The following TEKT5 variants were observed in gnomAD, a reference collection of about 807,000 sequenced individuals.
The protein encoded by TEKT5 is tektin-5.
Under a neutral mutation model 48.7 loss-of-function variants are expected in TEKT5, and 52 were observed. The ratio of observed to expected loss-of-function variants is 1.07; its 90% CI spans 0.86 to 1.35. TEKT5 has a LOEUF of 1.35. Among genes scored for constraint, TEKT5 ranks in the 40% most tolerant of loss-of-function variants. The probability of loss-of-function intolerance (pLI) is 0.00; values close to 1 mark genes in which losing one functional copy is unlikely to be tolerated. For missense variants in TEKT5, 831 were observed against 641.6 expected (o/e 1.30, Z -3.19); for synonymous variants, 318 against 267.6 (o/e 1.19, Z -1.84).
chr16:10,676,049 C>G lies in TEKT5; in HGVS notation c.996G>C (p.Trp332Cys), dbSNP rs1325294822. 3.1e-6 allele frequency: 5 copies of G among 1,614,222 alleles called. No homozygotes were observed. Among genetic ancestry groups the G allele is most frequent in the Non-Finnish European group, 3.4e-6 (4 of 1,180,044 alleles). Residue 332 changes from tryptophan (W) to cysteine (C), a missense_variant, in exon 5 of 7, where the codon TGG becomes TGC. Coordinates refer to ENST00000283025, the MANE Select transcript of TEKT5 (RefSeq NM_144674.2). ...CCAGGTTGGTGTCTGTGAACTGCCT[C>G]CACATCTGATCCGACAAGGTCTCAA... The part of the protein sequence containing the change: ...HLFETLSDQM[W>C]RQFTDTNLAF...
At chr16:10,631,984 T>C (rs370526215) in intron 6 of TEKT5, among the ~76,000 whole-genome samples, 2 of 152,226 alleles carry the variant, frequency 1.3e-5, no homozygotes, top group Middle Eastern at 6.8e-3. Flanking sequence ...GGTGGCTTGG[T>C]TGTGGGACTG....
rs192774980 is a variant in TEKT5, at chr16:10,694,083, T to A, written c.564+227A>T. ...ATATTTTCATGAAACCCCTGCAACT[T>A]TGATGTAGCTTCAAGGAGAAAAGGA... On this transcript the variant is annotated intron_variant, in intron 1 of 6. Coordinates refer to ENST00000283025, the MANE Select transcript of TEKT5 (RefSeq NM_144674.2). 2.2e-3 allele frequency among the ~76,000 whole-genome samples: 342 copies of A among 152,226 alleles called. 2 individuals carry two copies. Among genetic ancestry groups the A allele is most frequent in the African/African-American group, 7.8e-3 (325 of 41,536 alleles).
At chr16:10,686,120 G>C (rs1020092794) in intron 3 of TEKT5, among the ~76,000 whole-genome samples, 5 of 151,138 alleles carry the variant, frequency 3.3e-5, no homozygotes, top group African/African-American at 1.2e-4. Flanking sequence ...ACAGAATAGA[G>C]AGCCCAGAAA....
chr16:10,654,196 A>AC (rs2142278709), intron 5 of TEKT5, among the ~76,000 whole-genome samples: 1 of 152,268 alleles, frequency 6.6e-6, no homozygotes, highest in African/African-American at 2.4e-5. Flanking sequence ...AACTACAGGC[A>AC]CATGCTACCA....
At chr16:10,636,690 CGTGTGTGTGTGTGT>C (rs34623422) in intron 5 of TEKT5, among the ~76,000 whole-genome samples, 10 of 145,284 alleles carry the variant, frequency 6.9e-5, no homozygotes, top group South Asian at 4.5e-4. Context: ...TACATACATA[CGTGTGTGTGTGTGT>C]GTGTGTGTGT....
intron 5 of TEKT5, among the ~76,000 whole-genome samples, chr16:10,639,828 G>C (rs74007193): frequency 0.023 from 3,433 of 152,222 alleles, 133 homozygotes; most frequent in African/African-American, 0.079. Context: ...AGCCACTCCT[G>C]GGGAGGGTCC....
chr16:10,663,850 C>T (rs1898415401), intron 5 of TEKT5, among the ~76,000 whole-genome samples: 1 of 152,230 alleles, frequency 6.6e-6, no homozygotes, highest in Non-Finnish European at 1.5e-5. Flanking sequence ...GGAACCACTA[C>T]TCCAGGAGAT....
At chr16:10,655,302 T>A (rs1374917984) in intron 5 of TEKT5, among the ~76,000 whole-genome samples, 2 of 152,120 alleles carry the variant, frequency 1.3e-5, no homozygotes, top group Non-Finnish European at 2.9e-5. Flanking sequence ...TGTAGTCCAT[T>A]AGGAAAAGTA....
chr16:10,683,106 C>G (rs1036838330), intron 3 of TEKT5, among the ~76,000 whole-genome samples: 3 of 150,890 alleles, frequency 2.0e-5, no homozygotes, highest in African/African-American at 7.3e-5. Context: ...AAACCATTAA[C>G]TGAGGGTGAG....
intron 1 of TEKT5, chr16:10,690,737 G>C: frequency 1.6e-5 from 16 of 985,412 alleles, no homozygotes; most frequent in Non-Finnish European, 1.9e-5. Flanking sequence ...GAGAGGACAG[G>C]ACAAGGGGCT....
At chr16:10,644,929 G>A (rs1898048065) in intron 5 of TEKT5, among the ~76,000 whole-genome samples, 2 of 152,192 alleles carry the variant, frequency 1.3e-5, no homozygotes, top group South Asian at 2.1e-4. Context: ...ATTAGGTGAT[G>A]AGGTGGAGCT....
chr16:10,679,396 G>C (rs561989969), intron 4 of TEKT5, among the ~76,000 whole-genome samples: 16 of 151,124 alleles, frequency 1.1e-4, no homozygotes, highest in African/African-American at 3.7e-4. Flanking sequence ...GGCAGAGGTT[G>C]CAGTGAGCCG....
chr16:10,682,849 C>A (rs1040350742), intron 3 of TEKT5, among the ~76,000 whole-genome samples: 1 of 152,094 alleles, frequency 6.6e-6, no homozygotes, highest in African/African-American at 2.4e-5. Flanking sequence ...AGCTTGCTGA[C>A]CTAATTTTGA....
At chr16:10,678,407 C>T (rs1213840850) in intron 4 of TEKT5, among the ~76,000 whole-genome samples, 2 of 152,164 alleles carry the variant, frequency 1.3e-5, no homozygotes, top group Admixed American at 1.3e-4. Context: ...TCTTTTCAGA[C>T]ATTTTAAAGC....
chr16:10,657,076 T>C (rs1388993801), intron 5 of TEKT5, among the ~76,000 whole-genome samples: 1 of 151,884 alleles, frequency 6.6e-6, no homozygotes. Flanking sequence ...AGACTCAGAT[T>C]GATGGACAAT....
chr16:10,666,978 CTTTTTTTTT>C (rs201657619), intron 5 of TEKT5, among the ~76,000 whole-genome samples: 45,119 of 124,872 alleles, frequency 0.36, 7,978 homozygotes, highest in East Asian at 0.58. Flanking sequence ...TGGCTCCTTA[CTTTTTTTTT>C]TTTTTTTTTT....
chr16:10,687,548 TTC>T (rs1236768693), intron 3 of TEKT5, among the ~76,000 whole-genome samples: 1 of 152,144 alleles, frequency 6.6e-6, no homozygotes, highest in Non-Finnish European at 1.5e-5. Flanking sequence ...AGGTCAGGAG[TTC>T]CAGACCAGCC....
At chr16:10,681,783 G>C (rs1328204562) in intron 4 of TEKT5, among the ~76,000 whole-genome samples, 1 of 151,908 alleles carries the variant, frequency 6.6e-6, no homozygotes, top group African/African-American at 2.4e-5. Flanking sequence ...CCTTGAGTTC[G>C]TGGCTCCCCC....
At chr16:10,658,628 G>A (rs1898304560) in intron 5 of TEKT5, among the ~76,000 whole-genome samples, 1 of 152,148 alleles carries the variant, frequency 6.6e-6, no homozygotes, top group Admixed American at 6.5e-5. Flanking sequence ...GGGGCTCCTG[G>A]AACTAGAAAT....
Sources: gnomAD v4.1 joint callset for allele counts (sites outside exome capture counted in the v4.1 genomes callset) on GRCh38, gnomAD v4.1.1 for gene constraint, MANE v1.5 for transcripts, NCBI Gene and HGNC (gene_info 2026-07-23, HGNC 2026-07-21) for gene names.